CAMK1: variants seen among roughly 807,000 people sequenced by gnomAD.
The protein encoded by CAMK1 is calcium/calmodulin dependent protein kinase I, also known as calcium/calmodulin-dependent protein kinase type 1.
A neutral mutation model predicts 49.1 loss-of-function variants in CAMK1; 39 were observed. That is an observed-to-expected ratio of 0.79 (90% CI 0.62 to 1.04). The LOEUF is 1.04. Among genes scored for constraint, CAMK1 ranks in the 50% least tolerant of loss-of-function variants. The probability of loss-of-function intolerance (pLI) is 0.00; values close to 1 mark genes in which losing one functional copy is unlikely to be tolerated. For missense variants in CAMK1, 457 were observed against 472.2 expected (o/e 0.97, Z 0.30); for synonymous variants, 192 against 185.2 (o/e 1.04, Z -0.30).
chr3:9,763,060 A>AGGGG lies in CAMK1; in HGVS notation c.291-12_291-9dup. Reference sequence around the variant, plus strand: ...AGCTCCCCACCCGACACCCTGCAGCAGGGGATAGGGCAGTCTGGCAAAGAG... The same window carrying AGGGG: ...AGCTCCCCACCCGACACCCTGCAGCAGGGGGGGGATAGGGCAGTCTGGCAAAGAG... On this transcript the variant is annotated splice_polypyrimidine_tract_variant and intron_variant, in intron 4 of 11. Coordinates refer to ENST00000256460, the MANE Select transcript of CAMK1 (RefSeq NM_003656.5). 1 of 1,614,152 alleles carries AGGGG rather than the reference A, an allele frequency of 6.2e-7. No individual in the cohort carries two copies.
chr3:9,761,631 C>T lies in CAMK1; in HGVS notation c.556G>A (p.Ala186Thr). 6.2e-7 allele frequency: 1 copy of T among 1,614,132 alleles called. No individual in the cohort carries two copies. Among genetic ancestry groups the T allele is most frequent in the Non-Finnish European group, 8.5e-7 (1 of 1,180,002 alleles). Residue 186 changes from alanine to threonine, a missense_variant and splice_region_variant, in exon 6 of 12, where the codon GCC (alanine) becomes ACC (threonine). Ala to Thr is a moderately conservative substitution (Grantham distance 58). Coordinates refer to ENST00000256460, the MANE Select transcript of CAMK1 (RefSeq NM_003656.5). ...AGCCCCAGCCCAGGGCCCTCCGCAC[C>T]CACGTATCCCGGAGTTCCACAGGCG... ...STACGTPGYV[A>T]PEVLAQKPYS...
intron 1 of CAMK1, among the ~76,000 whole-genome samples, chr3:9,768,689 C>T (rs1172287577): frequency 6.6e-6 from 1 of 152,204 alleles, no homozygotes. Flanking sequence ...CACAGCCTCC[C>T]AACCCATCCA....
Position 9,760,745 on chromosome 3 carries a change from T to G in CAMK1, c.656A>C (p.Tyr219Ser). The change falls in exon 8 of 12, where the codon TAT becomes TCT. Residue 219 changes from tyrosine (Y) to serine (S), a missense_variant. Tyr to Ser is a moderately radical substitution (Grantham distance 144, BLOSUM62 -2). Coordinates refer to ENST00000256460, the MANE Select transcript of CAMK1 (RefSeq NM_003656.5). ...AAAGAGTTTGGCATCATTCTCGTCA[T>G]AGAAGGGAGGGTAACCGCAGAGCCT... Reference protein sequence around the residue: ...YILLCGYPPFYDENDAKLFEQ... With the variant: ...YILLCGYPPFSDENDAKLFEQ... The G allele has an allele frequency of 6.2e-7, 1 of 1,614,020 alleles. No individual in the cohort carries two copies.
At chr3:9,767,454 T>A (rs898627577) in intron 2 of CAMK1, among the ~76,000 whole-genome samples, 1 of 152,220 alleles carries the variant, frequency 6.6e-6, no homozygotes, top group East Asian at 1.9e-4. Context: ...TCTCGACTTC[T>A]TTCTCTTCAA....
chr3:9,768,450 C>T (rs1043127566), intron 1 of CAMK1, among the ~76,000 whole-genome samples: 3 of 152,222 alleles, frequency 2.0e-5, no homozygotes, highest in Non-Finnish European at 4.4e-5. Flanking sequence ...CCAGCCTGGC[C>T]CTTCCTCTGC....
chr3:9,758,380 C>T (rs766572268), intron 10 of CAMK1: 1 of 155,354 alleles, frequency 6.4e-6, no homozygotes, highest in Non-Finnish European at 1.4e-5. Flanking sequence ...GTCATGGTAC[C>T]ACCACCATCC....
intron 7 of CAMK1, chr3:9,761,145 ATTTT>A: frequency 2.9e-6 from 1 of 339,038 alleles, no homozygotes; most frequent in African/African-American, 2.1e-5. Flanking sequence ...CACAGTATTT[ATTTT>A]TATCACCTGA....
At chr3:9,765,369 G>A (rs2078106673) in intron 3 of CAMK1, among the ~76,000 whole-genome samples, 1 of 152,158 alleles carries the variant, frequency 6.6e-6, no homozygotes, top group African/African-American at 2.4e-5. Context: ...TGTGGATTTA[G>A]TCTGGGGGTC....
At position 9,760,772 on chromosome 3, in the gene CAMK1, G is replaced by A. The variant is rs778648261; in HGVS notation, c.633-4C>T. The A allele has an allele frequency of 6.2e-7, 1 of 1,614,012 alleles. No individual in the cohort carries two copies. On this transcript the variant is annotated splice_polypyrimidine_tract_variant and splice_region_variant and intron_variant, in intron 7 of 11. Transcript: ENST00000256460. Reference sequence around the variant, plus strand: ...GAAGGGAGGGTAACCGCAGAGCCTGGGCAGGGAGAAACTCATCCTCATTTC... The same window carrying A: ...GAAGGGAGGGTAACCGCAGAGCCTGAGCAGGGAGAAACTCATCCTCATTTC...
intron 7 of CAMK1, chr3:9,761,011 T>C (rs572163421): frequency 1.0e-5 from 5 of 494,406 alleles, no homozygotes; most frequent in African/African-American, 7.8e-5. Flanking sequence ...TATGCCACTC[T>C]TTCCCCACAC....
intron 1 of CAMK1, 29 bp from the exon 2 acceptor site, chr3:9,767,810 A>G (rs765107970): frequency 9.4e-6 from 15 of 1,603,316 alleles, no homozygotes; most frequent in Non-Finnish European, 1.3e-5. Context: ...GAGGAGACTC[A>G]GCAGAGCCCA....
intron 2 of CAMK1, 200 bp from the exon 3 acceptor site, chr3:9,766,090 C>T: frequency 1.3e-6 from 2 of 1,511,530 alleles, no homozygotes; most frequent in Non-Finnish European, 1.8e-6. Flanking sequence ...CTCCCCTGGC[C>T]ACAGTAATTG....
chr3:9,760,562 C>T (rs1461814395), intron 8 of CAMK1, 94 bp downstream of exon 8: 19 of 1,299,886 alleles, frequency 1.5e-5, no homozygotes, highest in South Asian at 2.4e-5. Context: ...CTGGAAAATC[C>T]GACAGAAGGA....
At chr3:9,763,423 CAG>C (rs2077988116) in intron 3 of CAMK1, among the ~76,000 whole-genome samples, 1 of 136,896 alleles carries the variant, frequency 7.3e-6, no homozygotes, top group African/African-American at 2.8e-5. Context: ...AAAAAAAAAA[CAG>C]CGGTTTAGAG....
At chr3:9,759,345 G>C in intron 10 of CAMK1, 143 bp downstream of exon 10, 5 of 1,548,496 alleles carry the variant, frequency 3.2e-6, no homozygotes, top group Non-Finnish European at 4.5e-6. Context: ...ATGAAAGAGT[G>C]AATGAATGAA....
intron 10 of CAMK1, chr3:9,759,194 A>C (rs770954342): frequency 1.2e-6 from 2 of 1,613,276 alleles, no homozygotes; most frequent in African/African-American, 2.7e-5. Flanking sequence ...CAGCTCTGTC[A>C]GGTCATCACC....
intron 3 of CAMK1, 112 bp from the exon 4 acceptor site, chr3:9,763,325 C>A: frequency 7.2e-6 from 9 of 1,250,464 alleles, no homozygotes; most frequent in African/African-American, 3.1e-5. Context: ...CCCAGCAGTT[C>A]AAAGCTGCAG....
chr3:9,761,191 T>G (rs2077848366), intron 7 of CAMK1: 1 of 418,416 alleles, frequency 2.4e-6, no homozygotes, highest in Non-Finnish European at 4.3e-6. Context: ...ACTTGTTGAT[T>G]GTCTGTCTTC....
chr3:9,764,240 G>C (rs1435591377), intron 3 of CAMK1, among the ~76,000 whole-genome samples: 2 of 152,210 alleles, frequency 1.3e-5, no homozygotes. Context: ...AAGGTGCTTG[G>C]CACAGTGCCT....
Sources: allele counts gnomAD v4.1 joint callset (sites outside exome capture counted in the v4.1 genomes callset), GRCh38; gene constraint gnomAD v4.1.1; transcripts MANE v1.5; gene names NCBI Gene and HGNC (gene_info 2026-07-23, HGNC 2026-07-21).